The following IL1RAPL1 variants were observed in gnomAD, a reference collection of about 807,000 sequenced individuals.
IL1RAPL1 encodes the protein interleukin 1 receptor accessory protein like 1.
In IL1RAPL1, 3 loss-of-function variants were observed where a neutral mutation model predicts 48.4. The ratio of observed to expected loss-of-function variants is 0.06; its 90% CI spans 0.03 to 0.16. IL1RAPL1 has a LOEUF of 0.16. Among genes scored for constraint, IL1RAPL1 ranks in the 10% least tolerant of loss-of-function variants. The pLI, the probability that IL1RAPL1 is intolerant of heterozygous loss-of-function variation, is 1.00. For synonymous variants in IL1RAPL1, 185 were observed against 187.7 expected (o/e 0.99, Z 0.12); for missense variants, 349 against 530.6 (o/e 0.66, Z 3.36).
chrX:29,550,339 C>A (rs189083799), intron 5 of IL1RAPL1, among the ~76,000 whole-genome samples: 1,154 of 110,705 alleles, frequency 0.01, 18 homozygotes, highest in African/African-American at 0.036. Context: ...CTACAGGCGC[C>A]CGCCACCACG....
intron 2 of IL1RAPL1, among the ~76,000 whole-genome samples, chrX:29,155,858 T>C (rs1929558493): frequency 9.0e-6 from 1 of 111,263 alleles, no homozygotes; most frequent in East Asian, 2.8e-4. Context: ...TGCTTTTATA[T>C]TTCTAACATT....
At chrX:28,639,101 A>G (rs960062238) in intron 1 of IL1RAPL1, among the ~76,000 whole-genome samples, 10 of 112,032 alleles carry the variant, frequency 8.9e-5, no homozygotes, top group Non-Finnish European at 1.9e-4. Flanking sequence ...AAAGATTGAA[A>G]GATACATAAA....
At chrX:29,486,504 G>T (rs1041523272) in intron 5 of IL1RAPL1, among the ~76,000 whole-genome samples, 2 of 102,790 alleles carry the variant, frequency 1.9e-5, no homozygotes, top group African/African-American at 7.2e-5. Flanking sequence ...TTTCCTCATT[G>T]AAAAATACAT....
intron 1 of IL1RAPL1, among the ~76,000 whole-genome samples, chrX:28,597,217 T>C (rs1933965407): frequency 9.0e-6 from 1 of 111,384 alleles, no homozygotes; most frequent in Admixed American, 9.6e-5. Flanking sequence ...TTGCATGAGC[T>C]TAAGGAAAAC....
chrX:29,548,699 C>G (rs1033993043), intron 5 of IL1RAPL1, among the ~76,000 whole-genome samples: 7 of 111,483 alleles, frequency 6.3e-5, no homozygotes, highest in Non-Finnish European at 1.3e-4. Context: ...AATAACAACC[C>G]TTGGATATAA....
At chrX:29,228,641 C>T (rs1328654898) in intron 2 of IL1RAPL1, among the ~76,000 whole-genome samples, 1 of 110,993 alleles carries the variant, frequency 9.0e-6, no homozygotes, top group Non-Finnish European at 1.9e-5. Context: ...GCGTGAGCCA[C>T]CGCACCTGGC....
chrX:29,774,211 T>A (rs1569165227), intron 6 of IL1RAPL1, among the ~76,000 whole-genome samples: 1 of 109,806 alleles, frequency 9.1e-6, no homozygotes, highest in Non-Finnish European at 1.9e-5. Flanking sequence ...GTTATTTTTT[T>A]AAATAGGCTT....
chrX:29,866,833 A>G (rs777643546), intron 6 of IL1RAPL1, among the ~76,000 whole-genome samples: 2 of 109,697 alleles, frequency 1.8e-5, no homozygotes, highest in African/African-American at 6.6e-5. Flanking sequence ...GATCATTGCA[A>G]TAGTTTGTGC....
At chrX:29,419,648 T>C (rs189565573) in intron 5 of IL1RAPL1, among the ~76,000 whole-genome samples, 8 of 112,435 alleles carry the variant, frequency 7.1e-5, no homozygotes, top group African/African-American at 9.7e-5. Context: ...AAATGTGTGC[T>C]TTTTTTGTTT....
At chrX:29,567,206 C>A (rs1283530109) in intron 5 of IL1RAPL1, among the ~76,000 whole-genome samples, 1 of 108,955 alleles carries the variant, frequency 9.2e-6, no homozygotes, top group Non-Finnish European at 1.9e-5. Flanking sequence ...AAAGAAAAGA[C>A]AGACTACCTA....
At position 28,828,991 on chromosome X, in the gene IL1RAPL1, T is replaced by A. The variant is rs73452825; in HGVS notation, c.82+39566T>A. Among the ~76,000 whole-genome samples, 565 of 112,105 alleles carry A rather than the reference T, an allele frequency of 5.0e-3. 2 individuals carry two copies. The highest frequency in any genetic ancestry group is 0.017 in the African/African-American group (526 of 30,944). Reference sequence around the variant, plus strand: ...TGTTAAATCCTTTGATCCATGAAAGTGGATTTATTTAGGTCTTTAATTTCT... The same window carrying A: ...TGTTAAATCCTTTGATCCATGAAAGAGGATTTATTTAGGTCTTTAATTTCT... On this transcript the variant is annotated intron_variant, in intron 2 of 10. Transcript: ENST00000378993.
chrX:29,376,642 G>A (rs1327443112), intron 3 of IL1RAPL1, among the ~76,000 whole-genome samples: 1 of 111,436 alleles, frequency 9.0e-6, no homozygotes, highest in African/African-American at 3.3e-5. Flanking sequence ...CAAAATGCTA[G>A]GATTATAAGT....
At chrX:29,837,574 ACTC>A (rs1438210762) in intron 6 of IL1RAPL1, among the ~76,000 whole-genome samples, 2 of 110,666 alleles carry the variant, frequency 1.8e-5, no homozygotes, top group African/African-American at 6.6e-5. Context: ...CTGGATATAA[ACTC>A]CTATCTACTT....
At chrX:29,241,884 G>A (rs547287921) in intron 2 of IL1RAPL1, among the ~76,000 whole-genome samples, 12 of 111,661 alleles carry the variant, frequency 1.1e-4, no homozygotes, top group African/African-American at 3.2e-4. Flanking sequence ...GCACTCCCAG[G>A]GGAAGATAAA....
At chrX:29,757,306 C>T (rs1000960447) in intron 6 of IL1RAPL1, among the ~76,000 whole-genome samples, 5 of 112,096 alleles carry the variant, frequency 4.5e-5, no homozygotes, top group Non-Finnish European at 5.6e-5. Context: ...CTTACCTCTC[C>T]GGCCATGCCA....
intron 5 of IL1RAPL1, among the ~76,000 whole-genome samples, chrX:29,582,084 G>C (rs1260366740): frequency 9.0e-6 from 1 of 111,437 alleles, no homozygotes; most frequent in Non-Finnish European, 1.9e-5. Context: ...AGGTATTCCA[G>C]TATTTTTAGT....
chrX:29,525,993 T>C (rs906442041), intron 5 of IL1RAPL1, among the ~76,000 whole-genome samples: 7 of 111,635 alleles, frequency 6.3e-5, no homozygotes, highest in African/African-American at 2.3e-4. Context: ...CAGAGTGTCA[T>C]TGTAAAATAC....
chrX:29,585,710 A>G (rs1923134087), intron 5 of IL1RAPL1, among the ~76,000 whole-genome samples: 1 of 111,733 alleles, frequency 8.9e-6, no homozygotes, highest in African/African-American at 3.3e-5. Flanking sequence ...ATTAACCATC[A>G]TGACAGGTAT....
intron 2 of IL1RAPL1, among the ~76,000 whole-genome samples, chrX:28,899,227 C>T (rs1010414774): frequency 9.0e-6 from 1 of 111,460 alleles, no homozygotes; most frequent in African/African-American, 3.3e-5. Context: ...CCCCATGATC[C>T]AATTACCTCT....
Sources: allele counts gnomAD v4.1 joint callset (sites outside exome capture counted in the v4.1 genomes callset), GRCh38; gene constraint gnomAD v4.1.1; transcripts MANE v1.5; gene names NCBI Gene and HGNC (gene_info 2026-07-23, HGNC 2026-07-21).